TRPC7: variants seen among roughly 807,000 people sequenced by gnomAD.
The protein encoded by TRPC7 is transient receptor potential cation channel subfamily C member 7.
In TRPC7, 42 loss-of-function variants were observed where a neutral mutation model predicts 90.1. The ratio of observed to expected loss-of-function variants is 0.47; its 90% CI spans 0.36 to 0.60. The LOEUF (loss-of-function observed/expected upper bound fraction) is 0.60, where lower values mean the gene tolerates loss of function less well. Ranked by LOEUF, TRPC7 falls within the 20% of genes least tolerant of loss-of-function variation. The probability of loss-of-function intolerance (pLI) is 0.00; values close to 1 mark genes in which losing one functional copy is unlikely to be tolerated. For synonymous variants in TRPC7, 451 were observed against 436.3 expected, an observed-to-expected ratio of 1.03 and a Z score of -0.42; for missense variants, 955 against 1,112.3, an observed-to-expected ratio of 0.86 and a Z score of 2.01.
intron 1 of TRPC7, among the ~76,000 whole-genome samples, chr5:136,359,757 C>T (rs1317155165): frequency 1.3e-5 from 2 of 148,748 alleles, no homozygotes; most frequent in East Asian, 2.0e-4. Context: ...AACTCAGTTT[C>T]AAGGCCTGTC....
chr5:136,349,334 A>G (rs1377022047), intron 2 of TRPC7, among the ~76,000 whole-genome samples: 1 of 152,160 alleles, frequency 6.6e-6, no homozygotes, highest in East Asian at 1.9e-4. Context: ...TGCTATGGGA[A>G]TGGGAAGCTT....
At chr5:136,308,787 G>C (rs530395513) in intron 3 of TRPC7, among the ~76,000 whole-genome samples, 1 of 152,342 alleles carries the variant, frequency 6.6e-6, no homozygotes, top group South Asian at 2.1e-4. Context: ...CACTGTGTCT[G>C]TGAGCTCCCT....
At chr5:136,303,497 C>T (rs1222581459) in intron 3 of TRPC7, among the ~76,000 whole-genome samples, 1 of 152,160 alleles carries the variant, frequency 6.6e-6, no homozygotes, top group Non-Finnish European at 1.5e-5. Context: ...CAAACCCCAG[C>T]CACAACTTCA....
chr5:136,338,658 T>G (rs1759744894), intron 2 of TRPC7, among the ~76,000 whole-genome samples: 1 of 152,244 alleles, frequency 6.6e-6, no homozygotes, highest in African/African-American at 2.4e-5. Context: ...GAGGCACACT[T>G]AGTTCATCAA....
intron 7 of TRPC7, among the ~76,000 whole-genome samples, chr5:136,243,777 A>C (rs951483459): frequency 2.6e-5 from 4 of 152,026 alleles, no homozygotes; most frequent in South Asian, 2.1e-4. Context: ...TTCTCTCTCC[A>C]CTTCACTGCT....
chr5:136,302,860 A>G (rs1758449335), intron 3 of TRPC7, among the ~76,000 whole-genome samples: 1 of 151,870 alleles, frequency 6.6e-6, no homozygotes, highest in Non-Finnish European at 1.5e-5. Context: ...AATGAAACTC[A>G]TCCCAAATCT....
intron 3 of TRPC7, among the ~76,000 whole-genome samples, chr5:136,284,094 G>C (rs1757633618): frequency 6.6e-6 from 1 of 152,198 alleles, no homozygotes; most frequent in Admixed American, 6.5e-5. Context: ...AAGAAATGTG[G>C]AAATTCATCA....
intron 3 of TRPC7, among the ~76,000 whole-genome samples, chr5:136,301,904 T>C (rs1758407607): frequency 6.6e-6 from 1 of 152,194 alleles, no homozygotes; most frequent in African/African-American, 2.4e-5. Context: ...TGCTCTTTGC[T>C]CCATGAGAAA....
chr5:136,229,380 A>G (rs1026597442), intron 8 of TRPC7, among the ~76,000 whole-genome samples: 5 of 152,010 alleles, frequency 3.3e-5, no homozygotes, highest in Admixed American at 2.0e-4. Flanking sequence ...CCTACTGCAT[A>G]GAGTACTCTT....
intron 3 of TRPC7, among the ~76,000 whole-genome samples, chr5:136,292,875 C>CA (rs1561704999): frequency 6.6e-6 from 1 of 152,196 alleles, no homozygotes; most frequent in East Asian, 1.9e-4. Flanking sequence ...CCTTGATGAA[C>CA]ATTGATGCAA....
intron 11 of TRPC7, chr5:136,214,405 T>C (rs1755193276): frequency 6.6e-6 from 1 of 152,152 alleles, no homozygotes; most frequent in African/African-American, 2.4e-5. Flanking sequence ...TGTGGAAACA[T>C]TACTCGTCTA....
intron 3 of TRPC7, among the ~76,000 whole-genome samples, chr5:136,301,270 A>C (rs2149831286): frequency 6.8e-6 from 1 of 146,152 alleles, no homozygotes; most frequent in East Asian, 2.0e-4. Flanking sequence ...CAGATGATCC[A>C]CCTGCCTTGG....
intron 3 of TRPC7, among the ~76,000 whole-genome samples, chr5:136,312,201 C>T (rs544543001): frequency 7.2e-5 from 11 of 152,274 alleles, no homozygotes; most frequent in South Asian, 4.2e-4. Flanking sequence ...GGAGGCTGAG[C>T]GCCCTCTTAA....
rs139078754 is a variant in TRPC7, at chr5:136,213,230, C to T, written c.*205G>A. On this transcript the variant is annotated 3_prime_UTR_variant, in exon 12 of 12. Transcript: ENST00000513104. ...CTCCTCCCATGGTAGCTTTTCTTAC[C>T]CAACCACCTAGATTCACAGCAGTTC... 61 of 580,870 alleles carry T rather than the reference C, an allele frequency of 1.1e-4. No individual in the cohort carries two copies. The East Asian group carries it at 1.7e-3, about 16-fold the overall frequency. 36.0% of individuals were successfully genotyped at this position (580,870 alleles called of 1,614,324 possible).
chr5:136,274,699 C>A lies in TRPC7; in HGVS notation c.1102G>T (p.Ala368Ser). The change falls in exon 4 of 12, where the codon GCC (alanine) becomes TCC (serine). Residue 368 changes from alanine (A) to serine (S), a missense_variant. Physicochemically the swap from Ala to Ser is moderately conservative, Grantham distance 99. Around this residue, in one of 4 missense-constraint regions of TRPC7, gnomAD observed 484 missense variants for 509.6 expected, o/e 0.95. Coordinates refer to ENST00000513104, the MANE Select transcript of TRPC7 (RefSeq NM_020389.3). ...TTGCTGCACGGAGCAATCCAATAGG[C>A]TATGGCGAGAAAAGGGAGGCCTATG... The part of the protein sequence containing the change: ...VSIGLPFLAI[A>S]YWIAPCSKLG... The A allele has an allele frequency of 1.9e-6, 3 of 1,613,620 alleles. No homozygotes were observed. Among genetic ancestry groups the A allele is most frequent in the Non-Finnish European group, 2.5e-6 (3 of 1,179,762 alleles).
At chr5:136,350,049 A>G (rs968612809) in intron 2 of TRPC7, among the ~76,000 whole-genome samples, 2 of 152,192 alleles carry the variant, frequency 1.3e-5, no homozygotes, top group African/African-American at 2.4e-5. Flanking sequence ...AGGCTATCCC[A>G]TATAGCCCAG....
chr5:136,271,851 A>G (rs1159616783), intron 4 of TRPC7, among the ~76,000 whole-genome samples: 1 of 152,174 alleles, frequency 6.6e-6, no homozygotes, highest in Non-Finnish European at 1.5e-5. Context: ...TAATTTCCTT[A>G]TTTAACTGTC....
At chr5:136,321,506 G>A (rs745892517) in intron 2 of TRPC7, among the ~76,000 whole-genome samples, 5 of 151,986 alleles carry the variant, frequency 3.3e-5, no homozygotes, top group Non-Finnish European at 7.4e-5. Context: ...TCAATCATTC[G>A]GAGAATTCAA....
chr5:136,289,192 C>T (rs376692431), intron 3 of TRPC7, among the ~76,000 whole-genome samples: 43 of 152,248 alleles, frequency 2.8e-4, no homozygotes, highest in African/African-American at 9.4e-4. Context: ...CCAAGATGGC[C>T]GAATAGGAAC....
Sources: gnomAD v4.1 joint callset for allele counts (sites outside exome capture counted in the v4.1 genomes callset) on GRCh38, gnomAD v4.1.1 for gene constraint, gnomAD v4.1.1 regional missense constraint, MANE v1.5 for transcripts, NCBI Gene and HGNC (gene_info 2026-07-23, HGNC 2026-07-21) for gene names.